The following KCNIP3 variants were observed in gnomAD, a reference collection of about 807,000 sequenced individuals.
KCNIP3 encodes potassium voltage-gated channel interacting protein 3.
In KCNIP3, 28 loss-of-function variants were observed where a neutral mutation model predicts 35.0. That is an observed-to-expected ratio of 0.80 (90% CI 0.59 to 1.10). The LOEUF (loss-of-function observed/expected upper bound fraction) is 1.10. Among genes scored for constraint, KCNIP3 ranks in the 50% least tolerant of loss-of-function variants. The pLI is 0.00. For synonymous variants in KCNIP3, 134 were observed against 133.8 expected, an observed-to-expected ratio of 1.00 and a Z score of -0.01; for missense variants, 295 against 338.4, an observed-to-expected ratio of 0.87 and a Z score of 1.01.
At chr2:95,317,525 G>A (rs1678487361) in intron 2 of KCNIP3, among the ~76,000 whole-genome samples, 1 of 152,120 alleles carries the variant, frequency 6.6e-6, no homozygotes, top group Admixed American at 6.5e-5. Flanking sequence ...CCGGGGCTCT[G>A]GGCTGAGGGG....
intron 2 of KCNIP3, among the ~76,000 whole-genome samples, chr2:95,328,782 G>A (rs1172919035): frequency 6.6e-6 from 1 of 152,254 alleles, no homozygotes; most frequent in African/African-American, 2.4e-5. Flanking sequence ...CTCTTGGGGT[G>A]GGGAAGAGTG....
chr2:95,315,873 C>A (rs954077705), intron 2 of KCNIP3, among the ~76,000 whole-genome samples: 1 of 152,234 alleles, frequency 6.6e-6, no homozygotes, highest in African/African-American at 2.4e-5. Flanking sequence ...CCTGCCCTGC[C>A]TCGGGCCCCA....
At chr2:95,330,357 G>A (rs1473903762) in intron 2 of KCNIP3, among the ~76,000 whole-genome samples, 4 of 152,216 alleles carry the variant, frequency 2.6e-5, no homozygotes, top group African/African-American at 9.7e-5. Flanking sequence ...CCTGGCTGGG[G>A]CTGCTCCCCA....
chr2:95,342,713 T>C (rs1359297686), intron 2 of KCNIP3, among the ~76,000 whole-genome samples: 2 of 152,178 alleles, frequency 1.3e-5, no homozygotes, highest in Non-Finnish European at 2.9e-5. Context: ...TCTACTATAA[T>C]CGCCTGCTTT....
At chr2:95,375,266 C>T (rs1680155956) in intron 5 of KCNIP3, 58 bp downstream of exon 5, 6 of 1,487,458 alleles carry the variant, frequency 4.0e-6, no homozygotes, top group Middle Eastern at 1.7e-4. Context: ...GGAGTGAATC[C>T]TTACCCTGGC....
chr2:95,353,730 GC>G (rs1159212326), intron 2 of KCNIP3, among the ~76,000 whole-genome samples: 1 of 152,206 alleles, frequency 6.6e-6, no homozygotes, highest in African/African-American at 2.4e-5. Flanking sequence ...CGAGGCTGAT[GC>G]AGCCCGACCC....
intron 5 of KCNIP3, among the ~76,000 whole-genome samples, chr2:95,375,764 C>A (rs1454235884): frequency 6.6e-6 from 1 of 152,152 alleles, no homozygotes. Flanking sequence ...CTGGCCTGGG[C>A]TCCTCCCCAG....
At chr2:95,337,847 G>T (rs1292094452) in intron 2 of KCNIP3, among the ~76,000 whole-genome samples, 2 of 152,158 alleles carry the variant, frequency 1.3e-5, no homozygotes, top group Non-Finnish European at 2.9e-5. Flanking sequence ...TCTGCTTCTA[G>T]ACTTCTCTGA....
chr2:95,319,557 G>T (rs1678536962), intron 2 of KCNIP3, among the ~76,000 whole-genome samples: 1 of 152,152 alleles, frequency 6.6e-6, no homozygotes, highest in Non-Finnish European at 1.5e-5. Flanking sequence ...CAAGCTGGGT[G>T]CTCCTCCTTG....
intron 5 of KCNIP3, 82 bp from the exon 6 acceptor site, chr2:95,381,514 T>C (rs1242711015): frequency 3.9e-6 from 4 of 1,022,720 alleles, no homozygotes; most frequent in Non-Finnish European, 6.1e-6. Context: ...AGGCGTGAAT[T>C]TCAGTGGAAG....
intron 2 of KCNIP3, among the ~76,000 whole-genome samples, chr2:95,364,391 A>G (rs1679870713): frequency 1.3e-5 from 2 of 152,144 alleles, no homozygotes; most frequent in South Asian, 4.1e-4. Context: ...CATTTGGTTT[A>G]GGGTTTTGCA....
At chr2:95,346,863 C>T (rs1224414976) in intron 2 of KCNIP3, 1 of 285,266 alleles carries the variant, frequency 3.5e-6, no homozygotes, top group Non-Finnish European at 6.3e-6. Context: ...CCACGGGGCC[C>T]CGGCCCAGCC....
chr2:95,380,241 T>C (rs1192199070), intron 5 of KCNIP3, among the ~76,000 whole-genome samples: 4 of 152,246 alleles, frequency 2.6e-5, no homozygotes, highest in Admixed American at 1.3e-4. Context: ...TTTTGGGACA[T>C]CCTATTCTTA....
chr2:95,304,301 T>C (rs1362337352), intron 1 of KCNIP3, among the ~76,000 whole-genome samples: 6 of 152,228 alleles, frequency 3.9e-5, no homozygotes, highest in Admixed American at 3.3e-4. Context: ...GTACTGTAAG[T>C]GGGAAGCCGG....
intron 2 of KCNIP3, among the ~76,000 whole-genome samples, chr2:95,353,819 C>T (rs1417528216): frequency 6.6e-6 from 1 of 152,192 alleles, no homozygotes; most frequent in Non-Finnish European, 1.5e-5. Flanking sequence ...GATTTCCACA[C>T]GGCTCTCAAC....
Position 95,378,807 on chromosome 2 carries a change from T to TACAC in KCNIP3, c.448-2777_448-2774dup. ...ACACACACACACACATATATATATA[T>TACAC]ACACACACACACACATATATACACA... On this transcript the variant is annotated intron_variant, in intron 5 of 8. Coordinates refer to ENST00000295225, the MANE Select transcript of KCNIP3 (RefSeq NM_013434.5). This position sits in a 1 kb window ranked among gnomAD's most constrained non-coding sequence, Gnocchi z 4.0. Among the ~76,000 whole-genome samples, 1 of 149,976 alleles carries TACAC rather than the reference T, an allele frequency of 6.7e-6. No homozygotes were observed. The highest frequency in any genetic ancestry group is 1.9e-4 in the East Asian group (1 of 5,130).
In KCNIP3 at chr2:95,375,285, C is replaced by A. The variant is rs1391239252; in HGVS notation, c.447+77C>A. ...TGAATCCTTACCCTGGCGTCACTGT[C>A]AGGGCTGTCGAGAGAGCCATGGTCC... On this transcript the variant is annotated intron_variant, in intron 5 of 8. Coordinates refer to ENST00000295225, the MANE Select transcript of KCNIP3 (RefSeq NM_013434.5). The A allele has an allele frequency of 2.1e-5, 28 of 1,353,418 alleles. No individual in the cohort carries two copies. The Admixed American group carries it at 4.6e-4, about 22-fold the overall frequency. 83.8% of individuals were successfully genotyped at this position (1,353,418 alleles called of 1,614,324 possible). A position where few individuals can be genotyped will look rare whatever the true frequency, so the allele number is the denominator to read the frequency against.
At chr2:95,331,894 T>C (rs1678941214) in intron 2 of KCNIP3, among the ~76,000 whole-genome samples, 4 of 152,176 alleles carry the variant, frequency 2.6e-5, no homozygotes, top group Admixed American at 2.0e-4. Context: ...CCTGGGCAAC[T>C]TCTTGTAGCC....
At chr2:95,318,294 T>C (rs1186946993) in intron 2 of KCNIP3, among the ~76,000 whole-genome samples, 2 of 152,170 alleles carry the variant, frequency 1.3e-5, no homozygotes, top group Non-Finnish European at 2.9e-5. Flanking sequence ...GTCCTCCTCC[T>C]GTGCACACTG....
Sources: allele counts gnomAD v4.1 joint callset (sites outside exome capture counted in the v4.1 genomes callset), GRCh38; gene constraint gnomAD v4.1.1; non-coding constraint Gnocchi (gnomAD v3.1); transcripts MANE v1.5; gene names NCBI Gene and HGNC (gene_info 2026-07-23, HGNC 2026-07-21).